Variants in SPCS2 observed in about 807,000 individuals in gnomAD.
SPCS2 encodes SPase 25 kDa subunit.
SPCS2 carries 3 observed loss-of-function variants against 22.3 expected under a neutral mutation model. The ratio of observed to expected loss-of-function variants is 0.13; its 90% CI spans 0.06 to 0.35. The LOEUF (loss-of-function observed/expected upper bound fraction) is 0.35, where lower values mean the gene tolerates loss of function less well. Ranked by LOEUF, SPCS2 falls within the 10% of genes least tolerant of loss-of-function variation. The pLI is 1.00. For synonymous variants in SPCS2, 67 were observed against 97.2 expected, an observed-to-expected ratio of 0.69 and a Z score of 1.83; for missense variants, 169 against 280.9, an observed-to-expected ratio of 0.60 and a Z score of 2.85.
chr11:74,976,759 A>G (rs960657208), intron 4 of SPCS2, 98 bp from the exon 5 acceptor site: 4 of 1,488,020 alleles, frequency 2.7e-6, no homozygotes, highest in Admixed American at 3.6e-5. Flanking sequence ...CACCGTGCCC[A>G]GCTTACTCCT....
At chr11:74,952,104 G>A (rs1205293535) in intron 1 of SPCS2, among the ~76,000 whole-genome samples, 2 of 152,110 alleles carry the variant, frequency 1.3e-5, no homozygotes, top group African/African-American at 2.4e-5. Context: ...GTGGTTTTTA[G>A]GAAAACTATT....
chr11:74,962,078 G>T (rs1948517648), intron 1 of SPCS2, among the ~76,000 whole-genome samples: 1 of 152,124 alleles, frequency 6.6e-6, no homozygotes, highest in Non-Finnish European at 1.5e-5. Context: ...TTGGTTTCTG[G>T]ATTGAGGGTC....
intron 3 of SPCS2, 40 bp downstream of exon 3, chr11:74,965,963 T>C: frequency 1.3e-6 from 2 of 1,547,666 alleles, no homozygotes; most frequent in African/African-American, 1.4e-5. Flanking sequence ...CTAGTGACTA[T>C]TTTTTTAAAT....
chr11:74,949,720 A>G (rs1948331957), intron 1 of SPCS2: 1 of 459,508 alleles, frequency 2.2e-6, no homozygotes, highest in Non-Finnish European at 4.3e-6. Context: ...CACTGTTGTC[A>G]GTGCCCATTT....
Position 74,963,529 on chromosome 11 carries a change from CTT to C in SPCS2, c.115-1504_115-1503del, listed in dbSNP as rs796094912. 76 of 397,188 alleles carry C rather than the reference CTT, an allele frequency of 1.9e-4. 1 individual carries two copies. The highest frequency in any genetic ancestry group is 1.3e-3 in the African/African-American group (59 of 46,060). 24.6% of individuals were successfully genotyped at this position (397,188 alleles called of 1,614,324 possible). On this transcript the variant is annotated intron_variant, in intron 1 of 4. Coordinates refer to ENST00000263672, the MANE Select transcript of SPCS2 (RefSeq NM_014752.3). ...CTTTACAATTATTTTTATCCCATCTCTTATTTTATTTTTTATTGTTTGTTTGT... is the reference window on the plus strand; with the variant it reads ...CTTTACAATTATTTTTATCCCATCTCATTTTATTTTTTATTGTTTGTTTGT...
intron 1 of SPCS2, among the ~76,000 whole-genome samples, chr11:74,957,492 T>TC (rs1458148718): frequency 6.6e-6 from 1 of 152,196 alleles, no homozygotes; most frequent in Non-Finnish European, 1.5e-5. Flanking sequence ...TAAGGACTCA[T>TC]CGCACATCTG....
At chr11:74,969,821 A>G in intron 4 of SPCS2, 122 bp downstream of exon 4, 2 of 1,182,600 alleles carry the variant, frequency 1.7e-6, no homozygotes, top group East Asian at 2.3e-5. Context: ...GTCATATAAA[A>G]TGAAGAAAGG....
chr11:74,968,561 G>T (rs537471771), intron 3 of SPCS2, among the ~76,000 whole-genome samples: 1 of 150,666 alleles, frequency 6.6e-6, no homozygotes, highest in South Asian at 2.1e-4. Flanking sequence ...TGTCACACAG[G>T]CTGGAGCACA....
intron 1 of SPCS2, among the ~76,000 whole-genome samples, chr11:74,961,857 A>G (rs1218974376): frequency 2.0e-5 from 3 of 152,242 alleles, no homozygotes; most frequent in Non-Finnish European, 4.4e-5. Context: ...TTTGAAGTAC[A>G]GTACACCTTT....
chr11:74,956,600 A>G (rs1305045782), intron 1 of SPCS2, among the ~76,000 whole-genome samples: 3 of 152,156 alleles, frequency 2.0e-5, no homozygotes, highest in Non-Finnish European at 1.5e-5. Context: ...AGCCCTTTCA[A>G]CTGGTCTTCC....
At chr11:74,976,694 GCCC>G (rs1656804967) in intron 4 of SPCS2, among the ~76,000 whole-genome samples, 160 bp from the exon 5 acceptor site, 1 of 152,162 alleles carries the variant, frequency 6.6e-6, no homozygotes, top group Non-Finnish European at 1.5e-5. Context: ...AAAGTTAGGA[GCCC>G]TGGGGTTTTG....
At position 74,969,663 on chromosome 11, in the gene SPCS2, C is replaced by G; in HGVS notation, c.458C>G (p.Pro153Arg). 6.2e-7 allele frequency: 1 copy of G among 1,613,684 alleles called. No individual in the cohort carries two copies. Among genetic ancestry groups the G allele is most frequent in the South Asian group, 1.1e-5 (1 of 91,064 alleles). ...AHRKDPTGMD[P>R]DDIWQLSSSL... ...AGGAAAGATCCTACAGGAATGGATCCTGATGATATTTGGCAGCTGTCCTCC... is the reference window on the plus strand; with the variant it reads ...AGGAAAGATCCTACAGGAATGGATCGTGATGATATTTGGCAGCTGTCCTCC... Residue 153 changes from proline (P) to arginine (R), a missense_variant, in exon 4 of 5, where the codon CCT becomes CGT. Pro to Arg is a moderately radical substitution (Grantham distance 103). This residue lies in a region of SPCS2 where 118 missense variants were observed against 243.1 expected (regional missense o/e 0.49). Transcript: ENST00000263672.
At position 74,965,851 on chromosome 11, in the gene SPCS2, T is replaced by C; in HGVS notation, c.287T>C (p.Ile96Thr). The C allele has an allele frequency of 6.2e-7, 1 of 1,613,432 alleles. No homozygotes were observed. The highest frequency in any genetic ancestry group is 8.5e-7 in the Non-Finnish European group (1 of 1,179,468). ...TGTACAATCTCCTGTTTCTTTGCCA[T>C]AGTGGCTTTGATTTGGGATTATATG... ...TICTISCFFA[I>T]VALIWDYMHP... is the part of the protein sequence containing the mutation. Residue 96 changes from isoleucine (I) to threonine (T), a missense_variant, in exon 3 of 5, where the codon ATA (isoleucine) becomes ACA (threonine). This residue lies in a region of SPCS2 where 118 missense variants were observed against 243.1 expected (regional missense o/e 0.49). Coordinates refer to ENST00000263672, the MANE Select transcript of SPCS2 (RefSeq NM_014752.3).
chr11:74,955,456 C>T (rs917753828), intron 1 of SPCS2, among the ~76,000 whole-genome samples: 4 of 152,032 alleles, frequency 2.6e-5, no homozygotes, highest in African/African-American at 4.8e-5. Context: ...TGAAAGAAAC[C>T]GATCACAAAA....
intron 1 of SPCS2, among the ~76,000 whole-genome samples, chr11:74,957,331 A>AT (rs1158728107): frequency 6.6e-6 from 1 of 152,246 alleles, no homozygotes; most frequent in Non-Finnish European, 1.5e-5. Context: ...GAAAAGTCAT[A>AT]TAACAGTTAA....
chr11:74,974,852 G>C (rs1251491549), intron 4 of SPCS2, among the ~76,000 whole-genome samples: 1 of 152,048 alleles, frequency 6.6e-6, no homozygotes, highest in Non-Finnish European at 1.5e-5. Flanking sequence ...CTGACCTCGT[G>C]ATCTGCCCGC....
Position 74,969,718 on chromosome 11 carries a change from A to G in SPCS2, c.494+19A>G. The G allele has an allele frequency of 6.2e-7, 1 of 1,613,504 alleles. No individual in the cohort carries two copies. Among genetic ancestry groups the G allele is most frequent in the Non-Finnish European group, 8.5e-7 (1 of 1,179,610 alleles). On this transcript the variant is annotated intron_variant, in intron 4 of 4. Coordinates refer to ENST00000263672, the MANE Select transcript of SPCS2 (RefSeq NM_014752.3). Reference sequence around the variant, plus strand: ...TTAAAAGGTATGACTATCCTCACAGATTTTTAAATCCTGGTGTTGGATTTG... The same window carrying G: ...TTAAAAGGTATGACTATCCTCACAGGTTTTTAAATCCTGGTGTTGGATTTG...
At chr11:74,953,941 T>G (rs188400571) in intron 1 of SPCS2, among the ~76,000 whole-genome samples, 1 of 152,352 alleles carries the variant, frequency 6.6e-6, no homozygotes, top group African/African-American at 2.4e-5. Flanking sequence ...CTGGCTGGCC[T>G]GTCAGCCTGA....
At chr11:74,964,787 G>A (rs74628104) in intron 1 of SPCS2, among the ~76,000 whole-genome samples, 1,861 of 152,298 alleles carry the variant, frequency 0.012, 18 homozygotes, top group Non-Finnish European at 0.02. Context: ...CCTGACTCTA[G>A]TGACCTAGTC....
Sources: gnomAD v4.1 joint callset for allele counts (sites outside exome capture counted in the v4.1 genomes callset) on GRCh38, gnomAD v4.1.1 for gene constraint, gnomAD v4.1.1 regional missense constraint, MANE v1.5 for transcripts, NCBI Gene and HGNC (gene_info 2026-07-23, HGNC 2026-07-21) for gene names.